The following FOXF2 variants were observed in gnomAD, a reference collection of about 807,000 sequenced individuals.
FOXF2 encodes forkhead box F2.
A neutral mutation model predicts 29.1 loss-of-function variants in FOXF2; 15 were observed. That is an observed-to-expected ratio of 0.52 (90% confidence interval 0.35 to 0.79). FOXF2 has a LOEUF of 0.79. Ranked by LOEUF, FOXF2 falls within the 30% of genes least tolerant of loss-of-function variation. The probability of loss-of-function intolerance (pLI) is 0.01; values close to 1 mark genes in which losing one functional copy is unlikely to be tolerated. For synonymous variants in FOXF2, 337 were observed against 316.5 expected (o/e 1.06, Z -0.69); for missense variants, 675 against 667.1 (o/e 1.01, Z -0.13).
At position 1,390,196 on chromosome 6, in the gene FOXF2, C is replaced by A. The variant is rs547098264; in HGVS notation, c.249C>A (p.Ala83=). The change falls in exon 1 of 2, where the codon GCC becomes GCA. Residue 83 remains alanine, a synonymous_variant. Coordinates refer to ENST00000645481, the MANE Select transcript of FOXF2 (RefSeq NM_001452.2). This position sits in a 1 kb window ranked among gnomAD's most constrained non-coding sequence, Gnocchi z 8.5. ...CKSAGGGGAG[A]GSGGAKKASS... Reference sequence around the variant, plus strand: ...GCGCGGGCGGCGGCGGCGCGGGCGCCGGGAGCGGGGGCGCCAAGAAGGCGA... The same window carrying A: ...GCGCGGGCGGCGGCGGCGCGGGCGCAGGGAGCGGGGGCGCCAAGAAGGCGA... 753 of 1,491,558 alleles carry A rather than the reference C, an allele frequency of 5.0e-4. 15 individuals are homozygous for A. In the South Asian group the frequency reaches 9.3e-3, roughly 18 times the overall value. The allele number at this position is 1,491,558 out of a possible 1,614,324, so 92.4% of individuals were successfully genotyped here.
rs1758780818 is a variant in FOXF2 at position 1,391,115 on chromosome 6, T to C, written c.1168T>C (p.Ser390Pro). The change falls in exon 1 of 2, where the codon TCA becomes CCA. Residue 390 changes from serine to proline, a missense_variant. Around this residue, in one of 3 missense-constraint regions of FOXF2, gnomAD observed 451 missense variants for 437.2 expected, o/e 1.03. Transcript: ENST00000645481. ...GCACCAGAACGCTCGCGAGGACCTC[T>C]CAGGTAACGCAGCACGCTCCAGCCC... ...YLHQNAREDL[S>P]VGLPRYQHHS... The C allele has an allele frequency of 6.2e-7, 1 of 1,601,348 alleles. No homozygotes were observed. Among genetic ancestry groups the C allele is most frequent in the Non-Finnish European group, 8.5e-7 (1 of 1,179,762 alleles).
Position 1,390,903 on chromosome 6 carries a change from C to T in FOXF2, c.956C>T (p.Ser319Leu), listed in dbSNP as rs1000527471. 3.9e-6 allele frequency: 6 copies of T among 1,539,144 alleles called. No individual in the cohort carries two copies. Among genetic ancestry groups the T allele is most frequent in the South Asian group, 1.2e-5 (1 of 84,210 alleles). ...GPDSSSSPVP[S>L]SPAMASAIEC... ...GACAGCAGCAGCAGCCCGGTACCCTCGTCCCCGGCCATGGCGAGCGCCATC... is the reference window on the plus strand; with the variant it reads ...GACAGCAGCAGCAGCCCGGTACCCTTGTCCCCGGCCATGGCGAGCGCCATC... The change falls in exon 1 of 2, where the codon TCG becomes TTG. Residue 319 changes from serine (S) to leucine (L), a missense_variant. Ser to Leu is a moderately radical substitution (Grantham distance 145, BLOSUM62 -2). Coordinates refer to ENST00000645481, the MANE Select transcript of FOXF2 (RefSeq NM_001452.2). This position sits in a 1 kb window ranked among gnomAD's most constrained non-coding sequence, Gnocchi z 8.5.
chr6:1,390,847 C>T lies in FOXF2; in HGVS notation c.900C>T (p.Ala300=). Reference sequence around the variant, plus strand: ...CGGGACCCGGGGGCGTCGGTGCGGCCGGGGGCGGCGGCGGCGGCGACTACG... The same window carrying T: ...CGGGACCCGGGGGCGTCGGTGCGGCTGGGGGCGGCGGCGGCGGCGACTACG... The part of the protein sequence containing the change: ...VPAGPGGVGA[A]GGGGGGDYGP... The change falls in exon 1 of 2, where the codon GCC becomes GCT. Residue 300 remains alanine, a synonymous_variant. Coordinates refer to ENST00000645481, the MANE Select transcript of FOXF2 (RefSeq NM_001452.2). This position sits in a 1 kb window ranked among gnomAD's most constrained non-coding sequence, Gnocchi z 8.5. 1 of 1,366,936 alleles carries T rather than the reference C, an allele frequency of 7.3e-7. No homozygotes were observed. The highest frequency in any genetic ancestry group is 9.3e-7 in the Non-Finnish European group (1 of 1,078,576). The allele number at this position is 1,366,936 out of a possible 1,614,324, so 84.7% of individuals were successfully genotyped here. A position where few individuals can be genotyped will look rare whatever the true frequency, so the allele number is the denominator to read the frequency against.
intron 1 of FOXF2, among the ~76,000 whole-genome samples, chr6:1,394,305 G>GAA (rs1440515098): frequency 4.6e-5 from 7 of 152,168 alleles, no homozygotes; most frequent in Admixed American, 2.0e-4. Flanking sequence ...CAGGGCTCAG[G>GAA]GCAGCACAGG....
At position 1,390,907 on chromosome 6, in the gene FOXF2, C is replaced by T. The variant is rs1361622314; in HGVS notation, c.960C>T (p.Ser320=). 6.5e-7 allele frequency: 1 copy of T among 1,541,154 alleles called. No individual in the cohort carries two copies. Among genetic ancestry groups the T allele is most frequent in the Non-Finnish European group, 8.7e-7 (1 of 1,149,424 alleles). Residue 320 remains serine (S), a synonymous_variant, in exon 1 of 2, where the codon TCC becomes TCT. Transcript: ENST00000645481. This position sits in a 1 kb window ranked among gnomAD's most constrained non-coding sequence, Gnocchi z 8.5. ...GCAGCAGCAGCCCGGTACCCTCGTC[C>T]CCGGCCATGGCGAGCGCCATCGAAT... ...PDSSSSPVPS[S]PAMASAIECH...
chr6:1,390,651 TCGGCTGCCACAGCCAGGGCGGCTA>T lies in FOXF2; in HGVS notation c.709_732del (p.Cys237_Gly244del), dbSNP rs1316412132. On this transcript the variant is annotated inframe_deletion, in exon 1 of 2. Transcript: ENST00000645481. This position sits in a 1 kb window ranked among gnomAD's most constrained non-coding sequence, Gnocchi z 8.5. ...TTCCAGGCGCCCCCGTCGGCGCCGCTCGGCTGCCACAGCCAGGGCGGCTACGGCGGCCTCGACATGATGCCCGCG... is the reference window on the plus strand; with the variant it reads ...TTCCAGGCGCCCCCGTCGGCGCCGCTCGGCGGCCTCGACATGATGCCCGCG... 3.8e-6 allele frequency: 6 copies of T among 1,569,112 alleles called. No individual in the cohort carries two copies. Among genetic ancestry groups the T allele is most frequent in the Non-Finnish European group, 5.1e-6 (6 of 1,166,484 alleles).
At chr6:1,392,882 G>GGGAGACAA (rs1442297130) in intron 1 of FOXF2, among the ~76,000 whole-genome samples, 4 of 152,196 alleles carry the variant, frequency 2.6e-5, no homozygotes, top group African/African-American at 7.2e-5. Flanking sequence ...GAACGCCCGG[G>GGGAGACAA]GGAGACAATA....
Position 1,394,763 on chromosome 6 carries a change from C to T in FOXF2, c.1239C>T (p.Phe413=). The stretch of plus-strand genomic sequence containing the variant: ...ACAGAAAAGATTTCGTCCTCAACTT[C>T]AATGGGATTTCTTCTTTCCATCCCT... The part of the protein sequence containing the change: ...VCDRKDFVLN[F]NGISSFHPSA... Residue 413 remains phenylalanine (F), a synonymous_variant, in exon 2 of 2, where the codon TTC becomes TTT. Transcript: ENST00000645481. 6.2e-7 allele frequency: 1 copy of T among 1,614,106 alleles called. No homozygotes were observed. The highest frequency in any genetic ancestry group is 8.5e-7 in the Non-Finnish European group (1 of 1,179,970).
At chr6:1,392,035 A>T (rs1758799054) in intron 1 of FOXF2, among the ~76,000 whole-genome samples, 1 of 152,176 alleles carries the variant, frequency 6.6e-6, no homozygotes, top group East Asian at 1.9e-4. Context: ...AGGGCTGCAG[A>T]TTAAAATCCC....
At position 1,390,879 on chromosome 6, in the gene FOXF2, ACAGCAG is replaced by A. The variant is rs867230358; in HGVS notation, c.940_945del (p.Ser314_Ser315del). The A allele has an allele frequency of 6.6e-7, 1 of 1,525,564 alleles. No homozygotes were observed. The highest frequency in any genetic ancestry group is 8.8e-7 in the Non-Finnish European group (1 of 1,141,986). 94.5% of individuals were successfully genotyped at this position (1,525,564 alleles called of 1,614,324 possible). A position where few individuals can be genotyped will look rare whatever the true frequency, so the allele number is the denominator to read the frequency against. The stretch of plus-strand genomic sequence containing the variant: ...GGCGGCGGCGGCGACTACGGGCCGG[ACAGCAG>A]CAGCAGCCCGGTACCCTCGTCCCCG... On this transcript the variant is annotated inframe_deletion, in exon 1 of 2. Coordinates refer to ENST00000645481, the MANE Select transcript of FOXF2 (RefSeq NM_001452.2). The surrounding 1 kb of genome is among the most constrained non-coding windows in gnomAD (Gnocchi z 8.5).
At position 1,394,904 on chromosome 6, in the gene FOXF2, C is replaced by G; in HGVS notation, c.*45C>G. 1 of 1,580,984 alleles carries G rather than the reference C, an allele frequency of 6.3e-7. No homozygotes were observed. Reference sequence around the variant, plus strand: ...TGGCCGCTCTCTCCTCTCCCCTCCTCAGAGGGGGCAGATAGAAACTGGGAC... The same window carrying G: ...TGGCCGCTCTCTCCTCTCCCCTCCTGAGAGGGGGCAGATAGAAACTGGGAC... On this transcript the variant is annotated 3_prime_UTR_variant, in exon 2 of 2. Coordinates refer to ENST00000645481, the MANE Select transcript of FOXF2 (RefSeq NM_001452.2).
chr6:1,394,317 C>T (rs1254855885), intron 1 of FOXF2, among the ~76,000 whole-genome samples: 1 of 152,120 alleles, frequency 6.6e-6, no homozygotes, highest in Non-Finnish European at 1.5e-5. Flanking sequence ...CAGCACAGGC[C>T]AGGAGCTCTG....
intron 1 of FOXF2, among the ~76,000 whole-genome samples, chr6:1,393,022 G>A (rs1199217116): frequency 3.3e-5 from 5 of 152,202 alleles, no homozygotes; most frequent in Non-Finnish European, 1.5e-5. Context: ...CTTCGGAGGA[G>A]CCGGCCGGAT....
At position 1,389,695 on chromosome 6, in the gene FOXF2, T is replaced by G. The variant is rs2113366535; in HGVS notation, c.-253T>G. Reference sequence around the variant, plus strand: ...CTCGGCCCCGCGGCCTGGGAGGCCGTTGCGCAAGGCAGGGCCCGCGGCTCG... The same window carrying G: ...CTCGGCCCCGCGGCCTGGGAGGCCGGTGCGCAAGGCAGGGCCCGCGGCTCG... On this transcript the variant is annotated 5_prime_UTR_variant, in exon 1 of 2. Coordinates refer to ENST00000645481, the MANE Select transcript of FOXF2 (RefSeq NM_001452.2). The G allele has an allele frequency of 6.7e-6, 1 of 150,056 alleles. No homozygotes were observed. Among genetic ancestry groups the G allele is most frequent in the Non-Finnish European group, 1.5e-5 (1 of 67,000 alleles). 9.3% of individuals were successfully genotyped at this position (150,056 alleles called of 1,614,324 possible). A position where few individuals can be genotyped will look rare whatever the true frequency, so the allele number is the denominator to read the frequency against.
At chr6:1,392,473 CA>C (rs1438518390) in intron 1 of FOXF2, among the ~76,000 whole-genome samples, 10 of 150,890 alleles carry the variant, frequency 6.6e-5, no homozygotes, top group East Asian at 4.1e-4. Flanking sequence ...CACACACACA[CA>C]CACCCCTCGG....
intron 1 of FOXF2, 39 bp downstream of exon 1, chr6:1,391,157 C>G (rs759981033): frequency 3.8e-6 from 6 of 1,595,426 alleles, no homozygotes; most frequent in Middle Eastern, 1.7e-4. Context: ...CTGGGCGCAC[C>G]GCTTCTAGGC....
chr6:1,390,922 C>T lies in FOXF2; in HGVS notation c.975C>T (p.Ser325=), dbSNP rs766825658. The T allele has an allele frequency of 1.3e-6, 2 of 1,555,862 alleles. No homozygotes were observed. Among genetic ancestry groups the T allele is most frequent in the South Asian group, 2.3e-5 (2 of 85,506 alleles). ...SPVPSSPAMA[S]AIECHSPYTS... The stretch of plus-strand genomic sequence containing the variant: ...TACCCTCGTCCCCGGCCATGGCGAG[C>T]GCCATCGAATGCCACTCGCCCTACA... Residue 325 remains serine, a synonymous_variant, in exon 1 of 2, where the codon AGC becomes AGT. Coordinates refer to ENST00000645481, the MANE Select transcript of FOXF2 (RefSeq NM_001452.2). The surrounding 1 kb of genome is among the most constrained non-coding windows in gnomAD (Gnocchi z 8.5).
At chr6:1,394,539 T>G (rs544583887) in intron 1 of FOXF2, among the ~76,000 whole-genome samples, 157 bp from the exon 2 acceptor site, 3 of 152,326 alleles carry the variant, frequency 2.0e-5, no homozygotes, top group Admixed American at 1.3e-4. Context: ...GTTGGTGTGT[T>G]TGAGCTACTT....
chr6:1,390,061 C>G lies in FOXF2; in HGVS notation c.114C>G (p.Ala38=), dbSNP rs1758743783. The change falls in exon 1 of 2, where the codon GCC becomes GCG. Residue 38 remains alanine, a synonymous_variant. Coordinates refer to ENST00000645481, the MANE Select transcript of FOXF2 (RefSeq NM_001452.2). The surrounding 1 kb of genome is among the most constrained non-coding windows in gnomAD (Gnocchi z 8.5). ...MSPPPAAAAA[A]AAAPETTSSS... is the part of the protein sequence containing the mutation. ...CGCCGCCCGCCGCCGCCGCCGCCGC[C>G]GCCGCCGCCCCGGAGACCACCTCCT... The G allele has an allele frequency of 3.6e-6, 5 of 1,393,996 alleles. No individual in the cohort carries two copies. Among genetic ancestry groups the G allele is most frequent in the Non-Finnish European group, 4.7e-6 (5 of 1,069,592 alleles). 86.4% of individuals were successfully genotyped at this position (1,393,996 alleles called of 1,614,324 possible).
Sources: gnomAD v4.1 joint callset for allele counts (sites outside exome capture counted in the v4.1 genomes callset) on GRCh38, gnomAD v4.1.1 for gene constraint, gnomAD v4.1.1 regional missense constraint, Gnocchi (gnomAD v3.1) non-coding constraint, MANE v1.5 for transcripts, NCBI Gene and HGNC (gene_info 2026-07-23, HGNC 2026-07-21) for gene names.